The following PIEZO2 variants were observed in gnomAD, a reference collection of about 807,000 sequenced individuals.
The protein encoded by PIEZO2 is piezo-type mechanosensitive ion channel component 2.
PIEZO2 carries 172 observed loss-of-function variants against 337.3 expected under a neutral mutation model. The ratio of observed to expected loss-of-function variants is 0.51; its 90% CI spans 0.45 to 0.58. The LOEUF is 0.58. Ranked by LOEUF, PIEZO2 falls within the 20% of genes least tolerant of loss-of-function variation. The pLI is 0.00. For synonymous variants in PIEZO2, 1,251 were observed against 1,228.5 expected (o/e 1.02, Z -0.38); for missense variants, 3,028 against 3,391.3 (o/e 0.89, Z 2.66).
chr18:10,698,257 G>A (rs1260362370), intron 44 of PIEZO2, among the ~76,000 whole-genome samples: 1 of 152,162 alleles, frequency 6.6e-6, no homozygotes, highest in Non-Finnish European at 1.5e-5. Flanking sequence ...GCCAGTATCT[G>A]CCTCAAAAGC....
chr18:11,147,587 C>T (rs2040841854), intron 1 of PIEZO2, among the ~76,000 whole-genome samples: 1 of 152,210 alleles, frequency 6.6e-6, no homozygotes, highest in Admixed American at 6.5e-5. Context: ...AATACAGTTA[C>T]TACTTGGTGA....
rs1246207819 is a variant in PIEZO2, at chr18:10,982,165, T to C, written c.161-2505A>G. On this transcript the variant is annotated intron_variant, in intron 2 of 55. Coordinates refer to ENST00000674853, the MANE Select transcript of PIEZO2 (RefSeq NM_001378183.1). This position sits in a 1 kb window ranked among gnomAD's most constrained non-coding sequence, Gnocchi z 4.1. ...CTTTCAAGAGTTCTATTATGCAAAA[T>C]TTTGCAGCAGCTTTTTGCTTATTTG... 1.3e-5 allele frequency among the ~76,000 whole-genome samples: 2 copies of C among 152,206 alleles called. No individual in the cohort carries two copies. The highest frequency in any genetic ancestry group is 2.4e-5 in the African/African-American group (1 of 41,446).
chr18:10,967,018 GTTT>G (rs1281379698), intron 3 of PIEZO2, among the ~76,000 whole-genome samples: 1 of 122,858 alleles, frequency 8.1e-6, no homozygotes, highest in African/African-American at 3.6e-5. Flanking sequence ...TCTGTTTTTT[GTTT>G]TTTTTTTTTT....
chr18:10,964,737 C>T, intron 3 of PIEZO2, among the ~76,000 whole-genome samples: 1 of 152,170 alleles, frequency 6.6e-6, no homozygotes, highest in Admixed American at 6.5e-5. Context: ...ACACTCCTAC[C>T]CATTAAGTAA....
rs2036634662 is a variant in PIEZO2, at chr18:11,028,943, C to T, written c.160+37184G>A. ...AAAATTTAGATAAGATGGCATGGAACATTTTACCTTGCATCTAAACAACAC... is the reference window on the plus strand; with the variant it reads ...AAAATTTAGATAAGATGGCATGGAATATTTTACCTTGCATCTAAACAACAC... On this transcript the variant is annotated intron_variant, in intron 2 of 55. Coordinates refer to ENST00000674853, the MANE Select transcript of PIEZO2 (RefSeq NM_001378183.1). This position sits in a 1 kb window ranked among gnomAD's most constrained non-coding sequence, Gnocchi z 4.8. Among the ~76,000 whole-genome samples the T allele has an allele frequency of 6.6e-6, 1 of 152,144 alleles. No individual in the cohort carries two copies. The highest frequency in any genetic ancestry group is 1.5e-5 in the Non-Finnish European group (1 of 68,034).
intron 9 of PIEZO2, 54 bp downstream of exon 9, chr18:10,803,821 A>G (rs1315624319): frequency 1.3e-6 from 2 of 1,530,972 alleles, no homozygotes; most frequent in African/African-American, 2.7e-5. Flanking sequence ...ATTCAACAGT[A>G]AAATACAAAA....
At position 11,143,609 on chromosome 18, in the gene PIEZO2, ACACACACACACAC is replaced by A. The variant is rs2040718153; in HGVS notation, c.64+4903_64+4915del. Among the ~76,000 whole-genome samples, 1 of 24,616 alleles carries A rather than the reference ACACACACACACAC, an allele frequency of 4.1e-5. No individual in the cohort carries two copies. The highest frequency in any genetic ancestry group is 7.5e-5 in the African/African-American group (1 of 13,422). 16.1% of individuals were successfully genotyped at this position (24,616 alleles called of 152,430 possible). A position where few individuals can be genotyped will look rare whatever the true frequency, so the allele number is the denominator to read the frequency against. On this transcript the variant is annotated intron_variant, in intron 1 of 55. Coordinates refer to ENST00000674853, the MANE Select transcript of PIEZO2 (RefSeq NM_001378183.1). The surrounding 1 kb of genome is among the most constrained non-coding windows in gnomAD (Gnocchi z 4.9). The stretch of plus-strand genomic sequence containing the variant: ...AGAACTAAAAATCTCTAACACACAC[ACACACACACACAC>A]ACACACACACACACACACTCTCTCT...
At chr18:11,052,575 G>C (rs2037569141) in intron 2 of PIEZO2, among the ~76,000 whole-genome samples, 1 of 152,128 alleles carries the variant, frequency 6.6e-6, no homozygotes, top group African/African-American at 2.4e-5. Context: ...CATCACTGGA[G>C]TAAGGAGGTG....
chr18:10,865,479 T>C (rs1037571213), intron 5 of PIEZO2, among the ~76,000 whole-genome samples: 1 of 152,096 alleles, frequency 6.6e-6, no homozygotes, highest in African/African-American at 2.4e-5. Context: ...TTTGAAGGTA[T>C]AATTCAAAGG....
intron 3 of PIEZO2, among the ~76,000 whole-genome samples, chr18:10,911,729 G>C (rs2030494889): frequency 6.7e-6 from 1 of 150,150 alleles, no homozygotes; most frequent in Non-Finnish European, 1.5e-5. Context: ...ACTCTAGCCT[G>C]GGCGACAAGA....
intron 3 of PIEZO2, among the ~76,000 whole-genome samples, chr18:10,928,054 C>T (rs1481887343): frequency 6.6e-6 from 1 of 152,122 alleles, no homozygotes; most frequent in Non-Finnish European, 1.5e-5. Flanking sequence ...TGTGGTGACG[C>T]CCCACTCATA....
Position 10,744,362 on chromosome 18 carries a change from G to A in PIEZO2, c.4425-131C>T, listed in dbSNP as rs1246516608. On this transcript the variant is annotated intron_variant, in intron 30 of 55. Transcript: ENST00000674853. Reference sequence around the variant, plus strand: ...GCAGCTGCTTGTAGTTTCCTGGCTGGGAGCAGGAGTCAACAAGGCCCCTTC... The same window carrying A: ...GCAGCTGCTTGTAGTTTCCTGGCTGAGAGCAGGAGTCAACAAGGCCCCTTC... 4.8e-6 allele frequency: 3 copies of A among 629,740 alleles called. No individual in the cohort carries two copies. In the African/African-American group the frequency reaches 5.5e-5, roughly 12 times the overall value. 39.0% of individuals were successfully genotyped at this position (629,740 alleles called of 1,614,324 possible).
Position 11,050,896 on chromosome 18 carries a change from TTA to T in PIEZO2, c.160+15229_160+15230del, listed in dbSNP as rs200945857. 7.7e-3 allele frequency among the ~76,000 whole-genome samples: 1,084 copies of T among 139,940 alleles called. 13 individuals are homozygous for T. The highest frequency in any genetic ancestry group is 0.029 in the African/African-American group (1,020 of 35,022). 91.8% of individuals were successfully genotyped at this position (139,940 alleles called of 152,430 possible). A position where few individuals can be genotyped will look rare whatever the true frequency, so the allele number is the denominator to read the frequency against. ...GATAACAAAGCAAAATTTACCAGGT[TTA>T]AAAAAAAAAAAACTCAAATGATATT... On this transcript the variant is annotated intron_variant, in intron 2 of 55. Transcript: ENST00000674853.
intron 2 of PIEZO2, among the ~76,000 whole-genome samples, chr18:11,040,394 A>G (rs1261853170): frequency 6.6e-6 from 1 of 152,192 alleles, no homozygotes; most frequent in African/African-American, 2.4e-5. Context: ...ATAAAGGTTG[A>G]GGAGGTAATG....
chr18:10,691,768 A>AACACACACACACACACACACACACAC lies in PIEZO2; in HGVS notation c.7191-386_7191-385insGTGTGTGTGTGTGTGTGTGTGTGTGT, dbSNP rs1339141004. Among the ~76,000 whole-genome samples, 135 of 74,994 alleles carry AACACACACACACACACACACACACAC rather than the reference A, an allele frequency of 1.8e-3. 14 individuals carry two copies. Among genetic ancestry groups the AACACACACACACACACACACACACAC allele is most frequent in the Non-Finnish European group, 2.6e-3 (104 of 40,688 alleles). The allele number at this position is 74,994 out of a possible 152,430, so 49.2% of individuals were successfully genotyped here. On this transcript the variant is annotated intron_variant, in intron 47 of 55. Coordinates refer to ENST00000674853, the MANE Select transcript of PIEZO2 (RefSeq NM_001378183.1). ...ATATGATATATTAAAAATATATATA[A>AACACACACACACACACACACACACAC]ACACACACACACACATATATATATA...
intron 3 of PIEZO2, among the ~76,000 whole-genome samples, chr18:10,977,683 G>T (rs367779377): frequency 2.0e-5 from 3 of 152,146 alleles, no homozygotes; most frequent in African/African-American, 7.2e-5. Flanking sequence ...ATAACATGTG[G>T]TTTTTAATCA....
intron 35 of PIEZO2, among the ~76,000 whole-genome samples, chr18:10,732,841 C>G (rs772606761): frequency 7.2e-5 from 11 of 152,162 alleles, no homozygotes; most frequent in Non-Finnish European, 1.6e-4. Flanking sequence ...CAACTTGCCT[C>G]TGCACAATAT....
At chr18:11,059,154 C>A (rs1249663425) in intron 2 of PIEZO2, among the ~76,000 whole-genome samples, 2 of 152,132 alleles carry the variant, frequency 1.3e-5, no homozygotes, top group Non-Finnish European at 2.9e-5. Context: ...TCCAGCCAAA[C>A]TAAGCTTCAT....
chr18:10,730,783 G>A (rs1567994903), intron 36 of PIEZO2, among the ~76,000 whole-genome samples: 1 of 152,180 alleles, frequency 6.6e-6, no homozygotes, highest in Non-Finnish European at 1.5e-5. Context: ...CTGGAGTGCA[G>A]TGGTGCGATC....
Sources: gnomAD v4.1 joint callset for allele counts (sites outside exome capture counted in the v4.1 genomes callset) on GRCh38, gnomAD v4.1.1 for gene constraint, Gnocchi (gnomAD v3.1) non-coding constraint, MANE v1.5 for transcripts, NCBI Gene and HGNC (gene_info 2026-07-23, HGNC 2026-07-21) for gene names.